The following HORMAD2 variants were observed in gnomAD, a reference collection of about 807,000 sequenced individuals.
The protein encoded by HORMAD2 is HORMA domain-containing protein 2.
In HORMAD2, 45 loss-of-function variants were observed where a neutral mutation model predicts 38.8. The observed-to-expected ratio is 1.16, with a 90% CI of 0.91 to 1.49. The LOEUF is 1.49. HORMAD2 is among the 40% of genes most tolerant of loss of function. The probability of loss-of-function intolerance (pLI) is 0.00; values close to 1 mark genes in which losing one functional copy is unlikely to be tolerated. For missense variants in HORMAD2, 338 were observed against 367.0 expected (o/e 0.92, Z 0.65); for synonymous variants, 126 against 122.8 (o/e 1.03, Z -0.17).
the HORMAD2 span, among the ~76,000 whole-genome samples, chr22:30,188,412 C>A: frequency 6.6e-6 from 1 of 151,844 alleles, no homozygotes; most frequent in Admixed American, 6.6e-5. Context: ...AAAAAAAAAT[C>A]ATTGAATCAT....
chr22:30,109,430 G>C (rs541480832), intron 5 of HORMAD2, among the ~76,000 whole-genome samples: 2 of 152,218 alleles, frequency 1.3e-5, no homozygotes, highest in South Asian at 4.2e-4. Flanking sequence ...CAATCCTCCT[G>C]CCTCAGCCTC....
chr22:30,156,259 A>C (rs2146207168), intron 10 of HORMAD2, among the ~76,000 whole-genome samples: 1 of 152,312 alleles, frequency 6.6e-6, no homozygotes, highest in East Asian at 1.9e-4. Context: ...TTTATTTAGA[A>C]AATGCTTCCT....
At chr22:30,136,087 C>T (rs548355431) in intron 10 of HORMAD2, among the ~76,000 whole-genome samples, 39 of 152,262 alleles carry the variant, frequency 2.6e-4, no homozygotes, top group African/African-American at 9.4e-4. Flanking sequence ...CAAATGTTTA[C>T]AGCAACTCTA....
chr22:30,202,442 TA>T, the HORMAD2 span, among the ~76,000 whole-genome samples: 477 of 141,890 alleles, frequency 3.4e-3, no homozygotes, highest in Middle Eastern at 7.1e-3. Flanking sequence ...GGAATGGATT[TA>T]AAAAAAAAAA....
Position 30,098,860 on chromosome 22 carries a change from T to A in HORMAD2, c.60T>A (p.Val20=). The stretch of plus-strand genomic sequence containing the variant: ...CTCCGTTGTTTTTCCAGGAAACAGT[T>A]TTCCCATCCCAAATCACTAATGAGC... The part of the protein sequence containing the change: ...ITIHKASKET[V]FPSQITNEHE... Residue 20 remains valine (V), a synonymous_variant, in exon 3 of 11, where the codon GTT becomes GTA. Coordinates refer to ENST00000336726, the MANE Select transcript of HORMAD2 (RefSeq NM_152510.4). The A allele has an allele frequency of 6.2e-7, 1 of 1,609,138 alleles. No homozygotes were observed. The highest frequency in any genetic ancestry group is 8.5e-7 in the Non-Finnish European group (1 of 1,178,132).
chr22:30,131,026 G>A (rs1923246615), intron 10 of HORMAD2, among the ~76,000 whole-genome samples: 1 of 152,034 alleles, frequency 6.6e-6, no homozygotes, highest in African/African-American at 2.4e-5. Context: ...TGGGCAGATA[G>A]CAGTAGACAT....
chr22:30,199,665 A>G, the HORMAD2 span, among the ~76,000 whole-genome samples: 20 of 151,454 alleles, frequency 1.3e-4, no homozygotes, highest in Middle Eastern at 3.5e-3. Context: ...GACCTTTCCC[A>G]ACCCCATCTC....
intron 10 of HORMAD2, among the ~76,000 whole-genome samples, chr22:30,164,434 A>G (rs1925650767): frequency 6.6e-6 from 1 of 152,206 alleles, no homozygotes; most frequent in Admixed American, 6.5e-5. Context: ...CAAGGGTTCC[A>G]GTTTCTTCAC....
At chr22:30,133,649 CA>C (rs948346818) in intron 10 of HORMAD2, among the ~76,000 whole-genome samples, 3 of 148,750 alleles carry the variant, frequency 2.0e-5, no homozygotes, top group African/African-American at 5.0e-5. Context: ...AAACAAAAAA[CA>C]AAAAAAAGGA....
At chr22:30,190,248 A>G in the HORMAD2 span, among the ~76,000 whole-genome samples, 1 of 152,192 alleles carries the variant, frequency 6.6e-6, no homozygotes, top group Non-Finnish European at 1.5e-5. Flanking sequence ...AAGTAATTTC[A>G]GGGCAACATC....
chr22:30,084,413 T>C (rs1014296033), intron 1 of HORMAD2, among the ~76,000 whole-genome samples: 3 of 152,172 alleles, frequency 2.0e-5, no homozygotes, highest in Admixed American at 1.3e-4. Flanking sequence ...TGAAGGCACC[T>C]AATCACCTCT....
At chr22:30,108,400 GT>G (rs1921368019) in intron 5 of HORMAD2, among the ~76,000 whole-genome samples, 1 of 152,118 alleles carries the variant, frequency 6.6e-6, no homozygotes, top group Non-Finnish European at 1.5e-5. Context: ...TCATTCCCAT[GT>G]TCAAGCCACA....
At chr22:30,081,367 A>G (rs1569076497) in intron 1 of HORMAD2, 1 of 152,216 alleles carries the variant, frequency 6.6e-6, no homozygotes, top group Non-Finnish European at 1.5e-5. Context: ...TGAAAAAGAT[A>G]TTAAAAAGTC....
the HORMAD2 span, among the ~76,000 whole-genome samples, chr22:30,206,124 G>T: frequency 6.6e-6 from 1 of 151,724 alleles, no homozygotes. Flanking sequence ...CTCACCCCCC[G>T]CCTCCATTTA....
intron 10 of HORMAD2, among the ~76,000 whole-genome samples, chr22:30,123,405 A>G (rs1922596948): frequency 6.6e-6 from 1 of 151,968 alleles, no homozygotes; most frequent in Non-Finnish European, 1.5e-5. Context: ...TGCAACCATG[A>G]CTCACTGGTG....
intron 2 of HORMAD2, among the ~76,000 whole-genome samples, chr22:30,094,889 A>G (rs1328163245): frequency 6.6e-6 from 1 of 152,164 alleles, no homozygotes; most frequent in Non-Finnish European, 1.5e-5. Flanking sequence ...AATGCATGGT[A>G]AAAGCATTGC....
chr22:30,146,181 C>G (rs1267777930), intron 10 of HORMAD2, among the ~76,000 whole-genome samples: 1 of 152,144 alleles, frequency 6.6e-6, no homozygotes, highest in African/African-American at 2.4e-5. Flanking sequence ...AATTCAACAT[C>G]CATTTGTGAC....
At chr22:30,143,482 G>T (rs1162534654) in intron 10 of HORMAD2, among the ~76,000 whole-genome samples, 1 of 151,920 alleles carries the variant, frequency 6.6e-6, no homozygotes, top group Non-Finnish European at 1.5e-5. Context: ...TGAGCACTTT[G>T]AATATGTTGT....
At chr22:30,090,101 G>A (rs1191317935) in intron 1 of HORMAD2, among the ~76,000 whole-genome samples, 1 of 152,188 alleles carries the variant, frequency 6.6e-6, no homozygotes, top group Non-Finnish European at 1.5e-5. Context: ...GGTGGCTCAT[G>A]CCTATAATCC....
Sources: allele counts gnomAD v4.1 joint callset (sites outside exome capture counted in the v4.1 genomes callset), GRCh38; gene constraint gnomAD v4.1.1; transcripts MANE v1.5; gene names NCBI Gene and HGNC (gene_info 2026-07-23, HGNC 2026-07-21).